ST6GALNAC3: variants seen among roughly 807,000 people sequenced by gnomAD.
The protein encoded by ST6GALNAC3 is alpha-N-acetylgalactosaminide alpha-2,6-sialyltransferase 3.
In ST6GALNAC3, 25 loss-of-function variants were observed where a neutral mutation model predicts 32.7. The observed-to-expected ratio is 0.76, with a 90% CI of 0.56 to 1.07. The LOEUF (loss-of-function observed/expected upper bound fraction) is 1.07. Among genes scored for constraint, ST6GALNAC3 ranks in the 50% least tolerant of loss-of-function variants. The probability of loss-of-function intolerance (pLI) is 0.00; values close to 1 mark genes in which losing one functional copy is unlikely to be tolerated. For synonymous variants in ST6GALNAC3, 129 were observed against 133.1 expected, an observed-to-expected ratio of 0.97 and a Z score of 0.21; for missense variants, 355 against 382.4, an observed-to-expected ratio of 0.93 and a Z score of 0.60.
At chr1:76,472,911 G>A (rs1030880821) in intron 3 of ST6GALNAC3, among the ~76,000 whole-genome samples, 6 of 152,094 alleles carry the variant, frequency 3.9e-5, no homozygotes, top group African/African-American at 1.4e-4. Context: ...CTCTCGGAGA[G>A]TGACAGATTA....
chr1:76,281,273 G>A (rs1398061994), intron 1 of ST6GALNAC3, among the ~76,000 whole-genome samples: 3 of 152,130 alleles, frequency 2.0e-5, no homozygotes, highest in Admixed American at 2.0e-4. Flanking sequence ...TAGAAGGCCT[G>A]AGGAAAAAAT....
At chr1:76,382,755 A>T (rs146796850) in intron 2 of ST6GALNAC3, among the ~76,000 whole-genome samples, 73 of 152,342 alleles carry the variant, frequency 4.8e-4, no homozygotes, top group Non-Finnish European at 7.5e-4. Flanking sequence ...AAAAATATTA[A>T]TCACGACTAG....
chr1:76,297,795 A>G (rs923884740), intron 1 of ST6GALNAC3, among the ~76,000 whole-genome samples: 1 of 152,052 alleles, frequency 6.6e-6, no homozygotes, highest in African/African-American at 2.4e-5. Context: ...TTATACAGAT[A>G]TATAATTTGT....
intron 1 of ST6GALNAC3, among the ~76,000 whole-genome samples, chr1:76,110,465 A>C (rs1160196189): frequency 6.6e-6 from 1 of 152,274 alleles, no homozygotes; most frequent in South Asian, 2.1e-4. Context: ...TTGTGAGCAC[A>C]GTGTGTGTGA....
chr1:76,376,025 G>T (rs1651197265), intron 2 of ST6GALNAC3, among the ~76,000 whole-genome samples: 1 of 151,956 alleles, frequency 6.6e-6, no homozygotes, highest in Non-Finnish European at 1.5e-5. Context: ...CCCTAGTGAA[G>T]GGAATGGAGA....
chr1:76,204,551 G>A (rs1022486980), intron 1 of ST6GALNAC3, among the ~76,000 whole-genome samples: 1 of 152,114 alleles, frequency 6.6e-6, no homozygotes, highest in African/African-American at 2.4e-5. Context: ...CACTGTGGAG[G>A]TGGGGATATG....
intron 3 of ST6GALNAC3, among the ~76,000 whole-genome samples, chr1:76,432,443 C>A (rs1362526599): frequency 1.7e-5 from 1 of 57,150 alleles, no homozygotes; most frequent in Non-Finnish European, 3.2e-5. Flanking sequence ...CCTTTATTGC[C>A]TTTTTTTTTT....
At chr1:76,558,695 T>C (rs553727049) in intron 3 of ST6GALNAC3, among the ~76,000 whole-genome samples, 7 of 152,294 alleles carry the variant, frequency 4.6e-5, no homozygotes, top group Admixed American at 2.6e-4. Flanking sequence ...CAAAGTTTAG[T>C]GCTGCAATTT....
At chr1:76,097,456 C>T (rs1295835093) in intron 1 of ST6GALNAC3, among the ~76,000 whole-genome samples, 8 of 152,148 alleles carry the variant, frequency 5.3e-5, no homozygotes, top group Non-Finnish European at 7.3e-5. Context: ...CTCTTCGCTG[C>T]TGCCATGTGA....
At chr1:76,495,703 A>G (rs973224799) in intron 3 of ST6GALNAC3, among the ~76,000 whole-genome samples, 2 of 152,118 alleles carry the variant, frequency 1.3e-5, no homozygotes, top group East Asian at 1.9e-4. Context: ...AATAAAGTCA[A>G]CTCGAAAATT....
chr1:76,598,766 TAGAC>T (rs1647176534), intron 3 of ST6GALNAC3, among the ~76,000 whole-genome samples: 2 of 152,136 alleles, frequency 1.3e-5, no homozygotes, highest in African/African-American at 4.8e-5. Flanking sequence ...AAGCCTCCGT[TAGAC>T]AGAAAGAAAA....
intron 3 of ST6GALNAC3, among the ~76,000 whole-genome samples, chr1:76,565,797 GCTAAT>G (rs1414706939): frequency 2.0e-5 from 3 of 152,170 alleles, no homozygotes; most frequent in African/African-American, 7.2e-5. Context: ...ACCCTGCACT[GCTAAT>G]CCTCCCTCAG....
At chr1:76,212,359 C>T (rs764768206) in intron 1 of ST6GALNAC3, among the ~76,000 whole-genome samples, 1 of 152,134 alleles carries the variant, frequency 6.6e-6, no homozygotes, top group Non-Finnish European at 1.5e-5. Context: ...ATGTTTGTCC[C>T]ATAAGCAGCA....
intron 1 of ST6GALNAC3, among the ~76,000 whole-genome samples, chr1:76,174,099 A>T (rs1430232202): frequency 1.3e-5 from 2 of 152,258 alleles, no homozygotes; most frequent in South Asian, 2.1e-4. Flanking sequence ...ATGCCCGTCA[A>T]TGATAGAATG....
At chr1:76,232,451 G>C (rs1656419786) in intron 1 of ST6GALNAC3, among the ~76,000 whole-genome samples, 1 of 152,166 alleles carries the variant, frequency 6.6e-6, no homozygotes, top group East Asian at 1.9e-4. Flanking sequence ...GCCAGAGTGG[G>C]CTGGAATCCA....
intron 1 of ST6GALNAC3, among the ~76,000 whole-genome samples, chr1:76,291,943 A>G (rs1660120959): frequency 6.6e-6 from 1 of 152,228 alleles, no homozygotes. Context: ...TCTTTCCTTG[A>G]CTGGTGGACA....
chr1:76,592,266 G>A (rs1444190741), intron 3 of ST6GALNAC3, among the ~76,000 whole-genome samples: 3 of 152,120 alleles, frequency 2.0e-5, no homozygotes, highest in Admixed American at 6.6e-5. Flanking sequence ...GGTTTGGAGG[G>A]AAGGAAGATG....
chr1:76,364,991 A>G (rs952922498), intron 2 of ST6GALNAC3, among the ~76,000 whole-genome samples: 2 of 152,212 alleles, frequency 1.3e-5, no homozygotes, highest in Admixed American at 6.5e-5. Flanking sequence ...CAGCCAAAAG[A>G]AAAGAAATTA....
intron 1 of ST6GALNAC3, among the ~76,000 whole-genome samples, chr1:76,288,687 A>G (rs1659911240): frequency 6.6e-6 from 1 of 152,194 alleles, no homozygotes; most frequent in East Asian, 1.9e-4. Flanking sequence ...TGGGGATAAG[A>G]TTCAATTTTA....
Sources: allele counts gnomAD v4.1 joint callset (sites outside exome capture counted in the v4.1 genomes callset), GRCh38; gene constraint gnomAD v4.1.1; transcripts MANE v1.5; gene names NCBI Gene and HGNC (gene_info 2026-07-23, HGNC 2026-07-21).